The following RNF144B variants were observed in gnomAD, a reference collection of about 807,000 sequenced individuals.
The protein encoded by RNF144B is E3 ubiquitin-protein ligase RNF144B.
In RNF144B, 25 loss-of-function variants were observed where a neutral mutation model predicts 40.2. The ratio of observed to expected loss-of-function variants is 0.62; its 90% CI spans 0.45 to 0.87. The LOEUF is 0.87. RNF144B is among the 40% of genes least tolerant of loss of function. The probability of loss-of-function intolerance (pLI) is 0.00; values close to 1 mark genes in which losing one functional copy is unlikely to be tolerated. For missense variants in RNF144B, 365 were observed against 373.7 expected, an observed-to-expected ratio of 0.98 and a Z score of 0.19; for synonymous variants, 145 against 136.3, an observed-to-expected ratio of 1.06 and a Z score of -0.44.
chr6:18,401,455 TG>T (rs1794800413), intron 2 of RNF144B, among the ~76,000 whole-genome samples: 1 of 152,212 alleles, frequency 6.6e-6, no homozygotes, highest in Non-Finnish European at 1.5e-5. Context: ...CCCTCAATTT[TG>T]GATCCTTTTG....
intron 4 of RNF144B, among the ~76,000 whole-genome samples, chr6:18,449,469 A>G (rs1759159538): frequency 6.6e-6 from 1 of 152,190 alleles, no homozygotes; most frequent in African/African-American, 2.4e-5. Context: ...AATAATACAT[A>G]GACAAGAGAT....
In RNF144B at chr6:18,443,218, C is replaced by A. The variant is rs896633071; in HGVS notation, c.331+3474C>A. On this transcript the variant is annotated intron_variant, in intron 4 of 7. Coordinates refer to ENST00000259939, the MANE Select transcript of RNF144B (RefSeq NM_182757.4). This position sits in a 1 kb window ranked among gnomAD's most constrained non-coding sequence, Gnocchi z 4.7. ...TTTAACCTCCTCATTTTATGAAAAA[C>A]GTAACAGGCCCAGAGGCAATTTCCT... 1.3e-5 allele frequency among the ~76,000 whole-genome samples: 2 copies of A among 152,056 alleles called. No homozygotes were observed. The highest frequency in any genetic ancestry group is 4.8e-5 in the African/African-American group (2 of 41,398).
At chr6:18,428,895 G>C (rs546170806) in intron 3 of RNF144B, among the ~76,000 whole-genome samples, 126 of 152,270 alleles carry the variant, frequency 8.3e-4, no homozygotes, top group African/African-American at 3.0e-3. Context: ...ACGTGGCTTT[G>C]AGTAGAATTA....
At chr6:18,404,968 C>T (rs1035628781) in intron 2 of RNF144B, among the ~76,000 whole-genome samples, 1 of 151,984 alleles carries the variant, frequency 6.6e-6, no homozygotes, top group African/African-American at 2.4e-5. Context: ...GATTCTCTGT[C>T]CCCTCTTCTG....
At chr6:18,404,413 C>T (rs572363458) in intron 2 of RNF144B, among the ~76,000 whole-genome samples, 11 of 152,190 alleles carry the variant, frequency 7.2e-5, no homozygotes, top group Non-Finnish European at 1.2e-4. Context: ...GCCTGTAAGA[C>T]GGAGGGAGGG....
Position 18,412,821 on chromosome 6 carries a change from C to G in RNF144B, c.165+13122C>G, listed in dbSNP as rs1022952908. Among the ~76,000 whole-genome samples the G allele has an allele frequency of 6.6e-6, 1 of 152,110 alleles. No homozygotes were observed. Among genetic ancestry groups the G allele is most frequent in the South Asian group, 2.1e-4 (1 of 4,828 alleles). ...TACATGGCTCTGTGTTAACTGAAAG[C>G]CTCCATGGTTTTGAATCATTTCCCA... On this transcript the variant is annotated intron_variant, in intron 2 of 7. Transcript: ENST00000259939. The surrounding 1 kb of genome is among the most constrained non-coding windows in gnomAD (Gnocchi z 4.2).
chr6:18,410,686 G>A lies in RNF144B; in HGVS notation c.165+10987G>A, dbSNP rs1483756182. Among the ~76,000 whole-genome samples, 1 of 150,728 alleles carries A rather than the reference G, an allele frequency of 6.6e-6. No homozygotes were observed. The highest frequency in any genetic ancestry group is 2.4e-5 in the African/African-American group (1 of 41,322). On this transcript the variant is annotated intron_variant, in intron 2 of 7. Coordinates refer to ENST00000259939, the MANE Select transcript of RNF144B (RefSeq NM_182757.4). This position sits in a 1 kb window ranked among gnomAD's most constrained non-coding sequence, Gnocchi z 4.6. ...AGAGACTAGATGGAGGGCCTGGTAT[G>A]CTGTGTTAAAAAAACATTATGGAGC...
chr6:18,453,137 CTTT>C (rs33972716), intron 4 of RNF144B, among the ~76,000 whole-genome samples: 7 of 103,358 alleles, frequency 6.8e-5, no homozygotes, highest in South Asian at 3.3e-4. Context: ...TTTCTGTCTG[CTTT>C]TTTTTTTTTT....
In RNF144B at chr6:18,459,811, A is replaced by C; in HGVS notation, c.681+60A>C. 6.8e-7 allele frequency: 1 copy of C among 1,463,334 alleles called. No homozygotes were observed. Among genetic ancestry groups the C allele is most frequent in the Non-Finnish European group, 9.3e-7 (1 of 1,078,036 alleles). The allele number at this position is 1,463,334 out of a possible 1,614,324, so 90.6% of individuals were successfully genotyped here. A position where few individuals can be genotyped will look rare whatever the true frequency, so the allele number is the denominator to read the frequency against. On this transcript the variant is annotated intron_variant, in intron 6 of 7. Coordinates refer to ENST00000259939, the MANE Select transcript of RNF144B (RefSeq NM_182757.4). This position sits in a 1 kb window ranked among gnomAD's most constrained non-coding sequence, Gnocchi z 4.2. ...CTATACTGTATCTGCACCACAGCTG[A>C]TATCCTACAGATTTTCCTTTAAAAT... is the stretch of plus-strand genomic sequence containing the variant.
Position 18,436,892 on chromosome 6 carries a change from C to T in RNF144B, c.271-2792C>T, listed in dbSNP as rs778193749. Among the ~76,000 whole-genome samples, 6 of 73,148 alleles carry T rather than the reference C, an allele frequency of 8.2e-5. 1 individual carries two copies. The highest frequency in any genetic ancestry group is 2.1e-4 in the Admixed American group (1 of 4,776). The allele number at this position is 73,148 out of a possible 152,430, so 48.0% of individuals were successfully genotyped here. ...GAACCAGGAATTTAACCTTTTGTAT[C>T]ATTTGTTGTTGTGTTTTTTTTTTGT... On this transcript the variant is annotated intron_variant, in intron 3 of 7. Transcript: ENST00000259939.
At chr6:18,462,592 T>C (rs1000704142) in intron 6 of RNF144B, among the ~76,000 whole-genome samples, 2 of 152,254 alleles carry the variant, frequency 1.3e-5, no homozygotes, top group East Asian at 1.9e-4. Flanking sequence ...ATTTGTCTAA[T>C]GAACAGACCA....
chr6:18,387,475 T>C lies in RNF144B; in HGVS notation c.-192T>C. 1 of 1,279,716 alleles carries C rather than the reference T, an allele frequency of 7.8e-7. No homozygotes were observed. 79.3% of individuals were successfully genotyped at this position (1,279,716 alleles called of 1,614,324 possible). A position where few individuals can be genotyped will look rare whatever the true frequency, so the allele number is the denominator to read the frequency against. ...TCTGGGAGCGCAAGTCCTGTTGCAG[T>C]CTTGCAAAGTGTAAAGCTGTCAGCC... On this transcript the variant is annotated 5_prime_UTR_variant, in exon 1 of 8. Transcript: ENST00000259939.
At chr6:18,445,856 G>A (rs1355332088) in intron 4 of RNF144B, among the ~76,000 whole-genome samples, 1 of 152,152 alleles carries the variant, frequency 6.6e-6, no homozygotes, top group Non-Finnish European at 1.5e-5. Flanking sequence ...TAAACTTCTG[G>A]ATAATTGTGC....
At chr6:18,452,260 A>G (rs1368480321) in intron 4 of RNF144B, among the ~76,000 whole-genome samples, 1 of 152,230 alleles carries the variant, frequency 6.6e-6, no homozygotes, top group Admixed American at 6.5e-5. Context: ...AAACAGAATG[A>G]GAAACAGCCT....
chr6:18,440,988 T>C (rs1434665965), intron 4 of RNF144B, among the ~76,000 whole-genome samples: 1 of 152,104 alleles, frequency 6.6e-6, no homozygotes, highest in African/African-American at 2.4e-5. Flanking sequence ...TTTATAATGT[T>C]GAACATGGAA....
chr6:18,399,273 A>T (rs755552717), intron 1 of RNF144B, among the ~76,000 whole-genome samples: 1 of 152,136 alleles, frequency 6.6e-6, no homozygotes, highest in Non-Finnish European at 1.5e-5. Flanking sequence ...TCCATAGCTC[A>T]TATGATGTGA....
chr6:18,437,121 A>G (rs781605613), intron 3 of RNF144B, among the ~76,000 whole-genome samples: 1 of 152,082 alleles, frequency 6.6e-6, no homozygotes, highest in Non-Finnish European at 1.5e-5. Flanking sequence ...AGCTTTACTC[A>G]TGGTAAGCTG....
chr6:18,466,753 A>G lies in RNF144B; in HGVS notation c.*1686A>G, dbSNP rs1465394899. 1 of 152,602 alleles carries G rather than the reference A, an allele frequency of 6.6e-6. No homozygotes were observed. The highest frequency in any genetic ancestry group is 1.5e-5 in the Non-Finnish European group (1 of 68,014). 9.5% of individuals were successfully genotyped at this position (152,602 alleles called of 1,614,324 possible). A position where few individuals can be genotyped will look rare whatever the true frequency, so the allele number is the denominator to read the frequency against. ...ATTGTTAAAGGATGATGCTTTGCCT[A>G]TGTAATAGGATATATCCTAAGTGGG... On this transcript the variant is annotated 3_prime_UTR_variant, in exon 8 of 8. Transcript: ENST00000259939.
Position 18,427,286 on chromosome 6 carries a change from G to T in RNF144B, c.166-295G>T, listed in dbSNP as rs1445937005. On this transcript the variant is annotated intron_variant, in intron 2 of 7. Coordinates refer to ENST00000259939, the MANE Select transcript of RNF144B (RefSeq NM_182757.4). ...TTTTTTTAAAGGAGGGGGCCTTTAGGGTTAGAAAATAGTGTTTTTTCTTTT... is the reference window on the plus strand; with the variant it reads ...TTTTTTTAAAGGAGGGGGCCTTTAGTGTTAGAAAATAGTGTTTTTTCTTTT... Among the ~76,000 whole-genome samples, 3 of 152,014 alleles carry T rather than the reference G, an allele frequency of 2.0e-5. 1 individual carries two copies. The highest frequency in any genetic ancestry group is 6.6e-5 in the Admixed American group (1 of 15,264).
Sources: allele counts gnomAD v4.1 joint callset (sites outside exome capture counted in the v4.1 genomes callset), GRCh38; gene constraint gnomAD v4.1.1; non-coding constraint Gnocchi (gnomAD v3.1); transcripts MANE v1.5; gene names NCBI Gene and HGNC (gene_info 2026-07-23, HGNC 2026-07-21).